REC114: variants seen among roughly 807,000 people sequenced by gnomAD.
The protein encoded by REC114 is meiotic recombination protein REC114.
In REC114, 27 loss-of-function variants were observed where a neutral mutation model predicts 31.3. That is an observed-to-expected ratio of 0.86 (90% CI 0.64 to 1.19). The LOEUF is 1.19. Among genes scored for constraint, REC114 ranks in the 50% most tolerant of loss-of-function variants. The pLI, the probability that REC114 is intolerant of heterozygous loss-of-function variation, is 0.00. For synonymous variants in REC114, 134 were observed against 127.7 expected (o/e 1.05, Z -0.33); for missense variants, 344 against 326.9 (o/e 1.05, Z -0.40).
intron 2 of REC114, among the ~76,000 whole-genome samples, chr15:73,474,445 T>C (rs1241315385): frequency 1.3e-5 from 2 of 152,148 alleles, no homozygotes; most frequent in South Asian, 4.1e-4. Flanking sequence ...GTTGAAAGTT[T>C]AGGTTTTATT....
At chr15:73,476,792 A>T (rs1193688062) in intron 2 of REC114, among the ~76,000 whole-genome samples, 1 of 152,150 alleles carries the variant, frequency 6.6e-6, no homozygotes, top group Non-Finnish European at 1.5e-5. Context: ...TTTGATAGAC[A>T]TTGGGGTGGT....
chr15:73,480,705 T>G (rs1444853402), intron 2 of REC114, among the ~76,000 whole-genome samples: 1 of 152,106 alleles, frequency 6.6e-6, no homozygotes, highest in East Asian at 1.9e-4. Context: ...TGAGATGGAG[T>G]CTCACTCTTT....
At chr15:73,550,338 A>G (rs766495081) in intron 3 of REC114, among the ~76,000 whole-genome samples, 4 of 152,146 alleles carry the variant, frequency 2.6e-5, no homozygotes, top group Admixed American at 6.5e-5. Flanking sequence ...TTGCCAAGGG[A>G]TGTGACTCAT....
At chr15:73,504,532 C>T (rs765128195) in intron 2 of REC114, among the ~76,000 whole-genome samples, 1 of 152,106 alleles carries the variant, frequency 6.6e-6, no homozygotes, top group Non-Finnish European at 1.5e-5. Context: ...CCTAGCCCCT[C>T]CTTCCTGCCC....
intron 2 of REC114, among the ~76,000 whole-genome samples, chr15:73,515,396 C>T (rs1477591106): frequency 2.6e-5 from 4 of 152,056 alleles, no homozygotes; most frequent in African/African-American, 7.2e-5. Flanking sequence ...CATATTCTTA[C>T]GGGTTGCTGC....
chr15:73,506,793 G>C (rs1199205340), intron 2 of REC114, among the ~76,000 whole-genome samples: 1 of 152,212 alleles, frequency 6.6e-6, no homozygotes, highest in Non-Finnish European at 1.5e-5. Context: ...ACAAGTCTGA[G>C]AGAAGGTACT....
At chr15:73,464,467 A>G (rs1003889584) in intron 1 of REC114, among the ~76,000 whole-genome samples, 107 of 152,024 alleles carry the variant, frequency 7.0e-4, no homozygotes, top group African/African-American at 2.5e-3. Flanking sequence ...GCTTTAGCCC[A>G]TTGGGTATGT....
chr15:73,456,270 C>T (rs1316974593), intron 1 of REC114, among the ~76,000 whole-genome samples: 1 of 151,640 alleles, frequency 6.6e-6, no homozygotes, highest in Non-Finnish European at 1.5e-5. Context: ...TAAAGTTTTA[C>T]CATGTTTTTC....
chr15:73,469,702 T>TA (rs1555485665), intron 1 of REC114, among the ~76,000 whole-genome samples: 1 of 146,806 alleles, frequency 6.8e-6, no homozygotes, highest in Non-Finnish European at 1.5e-5. Flanking sequence ...TTTTTTTTTT[T>TA]AAGACTCCGT....
chr15:73,505,822 G>A (rs1237977434), intron 2 of REC114, among the ~76,000 whole-genome samples: 2 of 152,120 alleles, frequency 1.3e-5, no homozygotes, highest in African/African-American at 2.4e-5. Context: ...GTGAGCCACC[G>A]CGCCCGGCCT....
chr15:73,537,330 A>G (rs190799861), intron 2 of REC114, among the ~76,000 whole-genome samples: 1 of 152,320 alleles, frequency 6.6e-6, no homozygotes, highest in East Asian at 1.9e-4. Flanking sequence ...AAGAGGCAGA[A>G]GAGATATAGG....
intron 1 of REC114, among the ~76,000 whole-genome samples, chr15:73,469,815 G>A (rs1893108952): frequency 6.6e-6 from 1 of 151,484 alleles, no homozygotes; most frequent in Non-Finnish European, 1.5e-5. Flanking sequence ...CTCCCGAGTA[G>A]CTGGGACTAC....
At chr15:73,557,226 C>G (rs983340572) in intron 5 of REC114, among the ~76,000 whole-genome samples, 1 of 151,540 alleles carries the variant, frequency 6.6e-6, no homozygotes, top group African/African-American at 2.4e-5. Context: ...TGTGCCACCA[C>G]GCCCAGCTAA....
intron 2 of REC114, among the ~76,000 whole-genome samples, chr15:73,474,426 A>G (rs1893181001): frequency 6.6e-6 from 1 of 151,934 alleles, no homozygotes; most frequent in Non-Finnish European, 1.5e-5. Context: ...GAAAATAAGA[A>G]TCAACTTGGT....
intron 2 of REC114, among the ~76,000 whole-genome samples, chr15:73,515,995 T>A (rs566219906): frequency 5.3e-5 from 8 of 152,038 alleles, no homozygotes; most frequent in African/African-American, 1.9e-4. Context: ...TTTTCTTTTT[T>A]TTTTTTTGGA....
chr15:73,543,083 T>C (rs1402550454), intron 3 of REC114, among the ~76,000 whole-genome samples: 1 of 152,134 alleles, frequency 6.6e-6, no homozygotes, highest in African/African-American at 2.4e-5. Flanking sequence ...AAAACTAGTT[T>C]CTAATTTGAC....
chr15:73,461,425 A>G (rs1358417248), intron 1 of REC114, among the ~76,000 whole-genome samples: 3 of 152,154 alleles, frequency 2.0e-5, no homozygotes, highest in Non-Finnish European at 4.4e-5. Flanking sequence ...GGGGTCTTAA[A>G]AGCAGAAAAC....
intron 1 of REC114, among the ~76,000 whole-genome samples, chr15:73,471,973 T>C (rs1250150433): frequency 1.3e-5 from 2 of 152,266 alleles, no homozygotes; most frequent in East Asian, 3.9e-4. Context: ...AAGAAGCAGA[T>C]AGTGATTTTA....
chr15:73,468,758 C>T (rs976200793), intron 1 of REC114, among the ~76,000 whole-genome samples: 1 of 148,808 alleles, frequency 6.7e-6, no homozygotes, highest in Non-Finnish European at 1.5e-5. Context: ...GTTTTAAAAT[C>T]AGGAATAGAT....
Sources: gnomAD v4.1 joint callset for allele counts (sites outside exome capture counted in the v4.1 genomes callset) on GRCh38, gnomAD v4.1.1 for gene constraint, MANE v1.5 for transcripts, NCBI Gene and HGNC (gene_info 2026-07-23, HGNC 2026-07-21) for gene names.